PLCL1: variants seen among roughly 807,000 people sequenced by gnomAD.
PLCL1 encodes the protein phospholipase C like 1 (inactive).
In PLCL1, 41 loss-of-function variants were observed where a neutral mutation model predicts 84.4. That is an observed-to-expected ratio of 0.49 (90% confidence interval 0.38 to 0.63). The LOEUF (loss-of-function observed/expected upper bound fraction) is 0.63, where lower values mean the gene tolerates loss of function less well. Among genes scored for constraint, PLCL1 ranks in the 30% least tolerant of loss-of-function variants. PLCL1 has a pLI of 0.00. For missense variants in PLCL1, 1,206 were observed against 1,367.8 expected, an observed-to-expected ratio of 0.88 and a Z score of 1.87; for synonymous variants, 490 against 488.3, an observed-to-expected ratio of 1.00 and a Z score of -0.05.
In PLCL1 at chr2:198,101,323, C is replaced by A; in HGVS notation, c.2958C>A (p.Asp986Glu). Residue 986 changes from aspartate (D) to glutamate (E), a missense_variant, in exon 4 of 6, where the codon GAC becomes GAA. Transcript: ENST00000428675. ...QESRFLIEMA[D>E]TVQEKIVQCQ... The stretch of plus-strand genomic sequence containing the variant: ...GCCGGTTTCTCATAGAAATGGCGGA[C>A]ACAGTCCAGGAAAAGATTGTACAGT... 1.3e-6 allele frequency: 2 copies of A among 1,599,546 alleles called. No homozygotes were observed. Among genetic ancestry groups the A allele is most frequent in the Non-Finnish European group, 1.7e-6 (2 of 1,168,588 alleles).
intron 5 of PLCL1, among the ~76,000 whole-genome samples, chr2:198,110,779 T>C (rs1345617078): frequency 6.6e-6 from 1 of 151,824 alleles, no homozygotes; most frequent in Non-Finnish European, 1.5e-5. Context: ...CCTGAGGGTA[T>C]ATAAAGAAGG....
chr2:198,091,446 G>A (rs149647277), intron 3 of PLCL1, among the ~76,000 whole-genome samples: 225 of 152,088 alleles, frequency 1.5e-3, no homozygotes, highest in African/African-American at 4.7e-3. Flanking sequence ...TTAGGAGGCC[G>A]AGGCGGGTGG....
At chr2:197,946,384 C>T (rs1689270363) in intron 1 of PLCL1, among the ~76,000 whole-genome samples, 1 of 151,910 alleles carries the variant, frequency 6.6e-6, no homozygotes, top group African/African-American at 2.4e-5. Context: ...AGTTTAATTA[C>T]CAATCAGTTG....
At chr2:197,835,359 G>A (rs1691163520) in intron 1 of PLCL1, among the ~76,000 whole-genome samples, 1 of 152,148 alleles carries the variant, frequency 6.6e-6, no homozygotes, top group Admixed American at 6.5e-5. Flanking sequence ...TTTTTAAGTA[G>A]ATAGTTTTGT....
intron 1 of PLCL1, among the ~76,000 whole-genome samples, chr2:197,993,176 A>G (rs1690377662): frequency 6.6e-6 from 1 of 151,736 alleles, no homozygotes; most frequent in Non-Finnish European, 1.5e-5. Flanking sequence ...TTCTGTTTTT[A>G]TTTGTTTGTT....
At chr2:197,871,712 AC>A (rs1687655119) in intron 1 of PLCL1, among the ~76,000 whole-genome samples, 1 of 152,020 alleles carries the variant, frequency 6.6e-6, no homozygotes. Flanking sequence ...ACAATACAAA[AC>A]AAAAATAACA....
chr2:197,915,634 C>G (rs1347106055), intron 1 of PLCL1, among the ~76,000 whole-genome samples: 1 of 151,694 alleles, frequency 6.6e-6, no homozygotes, highest in African/African-American at 2.4e-5. Flanking sequence ...GCATGTGCTC[C>G]TTTCACAGAA....
intron 1 of PLCL1, among the ~76,000 whole-genome samples, chr2:197,953,513 C>T (rs1689428567): frequency 6.6e-6 from 1 of 152,008 alleles, no homozygotes; most frequent in Non-Finnish European, 1.5e-5. Flanking sequence ...CCATTTTGCT[C>T]AGAGGTTAAT....
Position 198,088,933 on chromosome 2 carries a change from T to G in PLCL1, c.2791T>G (p.Ser931Ala). ...TCTGAAGCAGTGCCTGTTAACTCTG[T>G]CATCTCGGCTCATCACCAGTGACAA... ...ASLKQCLLTL[S>A]SRLITSDNTP... The change falls in exon 3 of 6, where the codon TCA (serine) becomes GCA (alanine). Residue 931 changes from serine (S) to alanine (A), a missense_variant. Coordinates refer to ENST00000428675, the MANE Select transcript of PLCL1 (RefSeq NM_006226.4). 1 of 1,612,718 alleles carries G rather than the reference T, an allele frequency of 6.2e-7. No homozygotes were observed. Among genetic ancestry groups the G allele is most frequent in the Non-Finnish European group, 8.5e-7 (1 of 1,178,722 alleles).
Position 198,083,749 on chromosome 2 carries a change from A to T in PLCL1, c.241-9A>T, listed in dbSNP as rs1349470688. Reference sequence around the variant, plus strand: ...GAAATTGATTCATTTTTTTCAAATTATTTTACAGGATCCTTCAAACCAAAA... The same window carrying T: ...GAAATTGATTCATTTTTTTCAAATTTTTTTACAGGATCCTTCAAACCAAAA... On this transcript the variant is annotated splice_polypyrimidine_tract_variant and intron_variant, in intron 1 of 5. Coordinates refer to ENST00000428675, the MANE Select transcript of PLCL1 (RefSeq NM_006226.4). 9 of 1,548,176 alleles carry T rather than the reference A, an allele frequency of 5.8e-6. No homozygotes were observed. The Admixed American group carries it at 8.3e-5, about 14-fold the overall frequency.
At chr2:197,908,917 T>C (rs962903008) in intron 1 of PLCL1, among the ~76,000 whole-genome samples, 3 of 152,238 alleles carry the variant, frequency 2.0e-5, no homozygotes, top group Non-Finnish European at 4.4e-5. Flanking sequence ...CTCAACATGG[T>C]CAAGTATTTG....
chr2:197,979,212 TG>T (rs1334489371), intron 1 of PLCL1, among the ~76,000 whole-genome samples: 1 of 152,216 alleles, frequency 6.6e-6, no homozygotes, highest in Non-Finnish European at 1.5e-5. Flanking sequence ...TACATGATTT[TG>T]CTTGGAAAAA....
intron 1 of PLCL1, among the ~76,000 whole-genome samples, chr2:198,035,893 C>T (rs539900200): frequency 1.5e-4 from 23 of 152,160 alleles, no homozygotes; most frequent in African/African-American, 4.1e-4. Context: ...AAAAATTAGC[C>T]GGGCATGGGG....
rs763993520 is a variant in PLCL1, at chr2:198,083,817, A to G, written c.300A>G (p.Pro100=). ...RKKTVSFSSM[P]SEKKISSAND... ...AAACCGTGTCTTTCAGCAGCATGCC[A>G]TCGGAAAAGAAAATTAGCAGTGCAA... is the stretch of plus-strand genomic sequence containing the variant. The change falls in exon 2 of 6, where the codon CCA becomes CCG. Residue 100 remains proline (P), a synonymous_variant. Coordinates refer to ENST00000428675, the MANE Select transcript of PLCL1 (RefSeq NM_006226.4). The G allele has an allele frequency of 6.8e-6, 11 of 1,609,684 alleles. No homozygotes were observed. In the South Asian group the frequency reaches 1.2e-4, roughly 18 times the overall value.
chr2:197,836,057 C>T (rs1322557712), intron 1 of PLCL1, among the ~76,000 whole-genome samples: 2 of 152,004 alleles, frequency 1.3e-5, no homozygotes, highest in Non-Finnish European at 2.9e-5. Flanking sequence ...TTTGCTATAT[C>T]TATAGAAATA....
intron 1 of PLCL1, among the ~76,000 whole-genome samples, chr2:197,890,701 T>TATATATATATATATATATACACAC (rs11270566): frequency 8.4e-6 from 1 of 118,544 alleles, no homozygotes; most frequent in African/African-American, 3.8e-5. Flanking sequence ...TATATATATA[T>TATATATATATATATATATACACAC]ACACACACAC....
intron 1 of PLCL1, among the ~76,000 whole-genome samples, chr2:198,032,493 C>A (rs1169461166): frequency 6.6e-6 from 1 of 152,150 alleles, no homozygotes; most frequent in East Asian, 1.9e-4. Context: ...ACCCAGATAA[C>A]TTTGCTGTTA....
At chr2:197,853,497 T>C (rs780665408) in intron 1 of PLCL1, among the ~76,000 whole-genome samples, 19 of 152,208 alleles carry the variant, frequency 1.2e-4, no homozygotes, top group Non-Finnish European at 2.5e-4. Flanking sequence ...CCTTCCTTAT[T>C]TGTGAAACAG....
intron 1 of PLCL1, among the ~76,000 whole-genome samples, chr2:197,932,522 C>A (rs576592816): frequency 6.6e-6 from 1 of 152,038 alleles, no homozygotes; most frequent in Non-Finnish European, 1.5e-5. Context: ...CGTCCCCCTA[C>A]CCCCCAAACC....
Sources: allele counts gnomAD v4.1 joint callset (sites outside exome capture counted in the v4.1 genomes callset), GRCh38; gene constraint gnomAD v4.1.1; transcripts MANE v1.5; gene names NCBI Gene and HGNC (gene_info 2026-07-23, HGNC 2026-07-21).